DPH6: variants seen among roughly 807,000 people sequenced by gnomAD.
DPH6 encodes the protein diphthamine biosynthesis 6, also known as diphthine--ammonia ligase.
Under a neutral mutation model 38.2 loss-of-function variants are expected in DPH6, and 33 were observed. The ratio of observed to expected loss-of-function variants is 0.86; its 90% CI spans 0.65 to 1.15. The LOEUF is 1.15. Ranked by LOEUF, DPH6 falls within the 50% of genes most tolerant of loss-of-function variation. The pLI is 0.00. For missense variants in DPH6, 325 were observed against 320.0 expected, an observed-to-expected ratio of 1.02 and a Z score of -0.12; for synonymous variants, 108 against 103.0, an observed-to-expected ratio of 1.05 and a Z score of -0.30.
chr15:35,508,413 C>T (rs1308825116), intron 3 of DPH6, among the ~76,000 whole-genome samples: 4 of 152,032 alleles, frequency 2.6e-5, no homozygotes, highest in African/African-American at 9.7e-5. Context: ...CTTTACGAGG[C>T]ATAAAGAAAA....
chr15:35,195,961 A>G, the DPH6 span, among the ~76,000 whole-genome samples: 1 of 152,106 alleles, frequency 6.6e-6, no homozygotes, highest in Admixed American at 6.6e-5. Context: ...AGAACTTACA[A>G]GTGTGGGCTG....
intron 5 of DPH6, among the ~76,000 whole-genome samples, chr15:35,419,316 A>C (rs2053475643): frequency 1.3e-5 from 2 of 152,256 alleles, no homozygotes; most frequent in South Asian, 4.1e-4. Context: ...CTCTAAAAAA[A>C]TGAGCTTACA....
At chr15:35,363,397 T>C (rs1232477059) in intron 3 of DPH6, among the ~76,000 whole-genome samples, 2 of 152,156 alleles carry the variant, frequency 1.3e-5, no homozygotes, top group Admixed American at 6.5e-5. Context: ...TTTACAATAA[T>C]GCTTTTCATT....
chr15:35,525,738 G>A (rs180839057), intron 3 of DPH6, among the ~76,000 whole-genome samples: 3 of 152,228 alleles, frequency 2.0e-5, no homozygotes, highest in South Asian at 2.1e-4. Flanking sequence ...TATGCAGGAC[G>A]CTGAGGCAGG....
At chr15:35,330,582 T>C (rs879801980), downstream of DPH6, among the ~76,000 whole-genome samples, 7 of 152,148 alleles carry the variant, frequency 4.6e-5, no homozygotes, top group Non-Finnish European at 7.3e-5. Context: ...TTTAAAATTA[T>C]GGTGTTAACA....
chr15:35,280,216 T>C (rs1438190741), intron 3 of DPH6, among the ~76,000 whole-genome samples: 1 of 152,240 alleles, frequency 6.6e-6, no homozygotes, highest in African/African-American at 2.4e-5. Context: ...CTAGTTCCAA[T>C]TCATAGTAGC....
intron 5 of DPH6, among the ~76,000 whole-genome samples, chr15:35,433,266 T>C (rs2053654328): frequency 6.6e-6 from 1 of 152,152 alleles, no homozygotes; most frequent in Non-Finnish European, 1.5e-5. Flanking sequence ...TAAAGGATGA[T>C]AGCAATTGAT....
chr15:35,403,673 A>G (rs1262969397), intron 6 of DPH6, among the ~76,000 whole-genome samples: 1 of 151,824 alleles, frequency 6.6e-6, no homozygotes, highest in Non-Finnish European at 1.5e-5. Context: ...ATGCTTGGCT[A>G]GTTTTTTCAT....
chr15:35,392,184 A>C (rs1054270956), intron 6 of DPH6, among the ~76,000 whole-genome samples: 1 of 152,194 alleles, frequency 6.6e-6, no homozygotes, highest in African/African-American at 2.4e-5. Context: ...ATTAAAAAGA[A>C]ATTACTTACA....
At chr15:35,222,432 T>C (rs1325823633) in intron 3 of DPH6, among the ~76,000 whole-genome samples, 1 of 152,104 alleles carries the variant, frequency 6.6e-6, no homozygotes, top group Non-Finnish European at 1.5e-5. Flanking sequence ...CCAAACAAGA[T>C]GATCAGGGTA....
intron 3 of DPH6, among the ~76,000 whole-genome samples, chr15:35,284,432 C>T (rs576627634): frequency 9.9e-5 from 15 of 151,738 alleles, no homozygotes; most frequent in South Asian, 6.3e-4. Context: ...GTCTACATTA[C>T]GGACTAATAG....
At chr15:35,436,629 T>C (rs76947860) in intron 5 of DPH6, among the ~76,000 whole-genome samples, 2 of 152,032 alleles carry the variant, frequency 1.3e-5, no homozygotes, top group African/African-American at 2.4e-5. Context: ...TGCATAAGAA[T>C]AAGAGGTTTC....
the DPH6 span, among the ~76,000 whole-genome samples, chr15:35,148,656 A>C: frequency 6.6e-6 from 1 of 152,168 alleles, no homozygotes; most frequent in Non-Finnish European, 1.5e-5. Context: ...AATTATTTCC[A>C]TAGACCCGGA....
chr15:35,177,609 C>A, the DPH6 span, among the ~76,000 whole-genome samples: 12,026 of 124,516 alleles, frequency 0.097, 1,067 homozygotes, highest in East Asian at 0.21. Context: ...AAATCATCAT[C>A]ATCATCATCA....
At chr15:35,358,595 C>A (rs1283344486) in intron 3 of DPH6, among the ~76,000 whole-genome samples, 1 of 152,178 alleles carries the variant, frequency 6.6e-6, no homozygotes, top group Non-Finnish European at 1.5e-5. Flanking sequence ...GTAGTACTCT[C>A]CCCTTTTTCC....
At chr15:35,314,257 T>C (rs1470056712) in intron 3 of DPH6, among the ~76,000 whole-genome samples, 1 of 152,234 alleles carries the variant, frequency 6.6e-6, no homozygotes. Context: ...TTTAGCATTG[T>C]TGAAATTTGC....
downstream of DPH6, among the ~76,000 whole-genome samples, chr15:35,368,997 C>A (rs1566882929): frequency 6.6e-6 from 1 of 151,428 alleles, no homozygotes; most frequent in Middle Eastern, 3.4e-3. Flanking sequence ...AAGAATGGAC[C>A]TATAAAAAGA....
chr15:35,318,760 A>G (rs2052214965), intron 3 of DPH6, among the ~76,000 whole-genome samples: 1 of 152,156 alleles, frequency 6.6e-6, no homozygotes, highest in Non-Finnish European at 1.5e-5. Flanking sequence ...TTTCACAGTT[A>G]AAAACTGTAA....
At chr15:35,418,429 C>T (rs2053463240) in intron 5 of DPH6, among the ~76,000 whole-genome samples, 1 of 152,026 alleles carries the variant, frequency 6.6e-6, no homozygotes. Flanking sequence ...ACTCTGACAC[C>T]TAGCCATTTC....
Sources: allele counts gnomAD v4.1 joint callset (sites outside exome capture counted in the v4.1 genomes callset), GRCh38; gene constraint gnomAD v4.1.1; transcripts MANE v1.5; gene names NCBI Gene and HGNC (gene_info 2026-07-23, HGNC 2026-07-21).